The following COL5A1 variants were observed in gnomAD, a reference collection of about 807,000 sequenced individuals.
COL5A1 encodes the protein collagen alpha-1(V) chain.
Under a neutral mutation model 263.7 loss-of-function variants are expected in COL5A1, and 16 were observed. The ratio of observed to expected loss-of-function variants is 0.06; its 90% CI spans 0.04 to 0.09. COL5A1 has a LOEUF of 0.09. COL5A1 is among the 10% of genes least tolerant of loss of function. The probability of loss-of-function intolerance (pLI) is 1.00; values close to 1 mark genes in which losing one functional copy is unlikely to be tolerated. For missense variants in COL5A1, 2,036 were observed against 2,540.5 expected (o/e 0.80, Z 4.27); for synonymous variants, 1,012 against 1,004.5 (o/e 1.01, Z -0.14).
Position 134,786,101 on chromosome 9 carries a change from C to T in COL5A1, c.2646+53C>T, listed in dbSNP as rs866700363. ...GGGACAGGCGGAGGGATGTTCTGCC[C>T]GGTCTCCCCACCCTGCATCCGGCCG... On this transcript the variant is annotated intron_variant, in intron 31 of 65. Transcript: ENST00000371817. 1.5e-4 allele frequency: 224 copies of T among 1,487,594 alleles called. No individual in the cohort carries two copies. In the Middle Eastern group the frequency reaches 5.9e-3, roughly 39 times the overall value. The allele number at this position is 1,487,594 out of a possible 1,614,324, so 92.1% of individuals were successfully genotyped here.
intron 18 of COL5A1, among the ~76,000 whole-genome samples, chr9:134,759,258 GCGCACACACTCATACACACA>G (rs1836119238): frequency 9.1e-6 from 1 of 109,848 alleles, no homozygotes; most frequent in African/African-American, 5.0e-5. Context: ...ACATGTGTGC[GCGCACACACTCATACACACA>G]TGCACACACA....
At chr9:134,679,167 C>T (rs1183245713) in intron 1 of COL5A1, among the ~76,000 whole-genome samples, 2 of 152,170 alleles carry the variant, frequency 1.3e-5, no homozygotes, top group Non-Finnish European at 2.9e-5. Context: ...TGTCTTGTGT[C>T]TTGTGTGGAA....
intron 59 of COL5A1, among the ~76,000 whole-genome samples, chr9:134,822,735 G>A (rs561701460): frequency 1.2e-3 from 164 of 142,574 alleles, no homozygotes; most frequent in African/African-American, 4.5e-3. Context: ...CCCCGCGGCT[G>A]TCTGAGCTGG....
At chr9:134,656,636 T>C (rs1047050654) in intron 1 of COL5A1, among the ~76,000 whole-genome samples, 1 of 152,124 alleles carries the variant, frequency 6.6e-6, no homozygotes, top group Admixed American at 6.5e-5. Flanking sequence ...GCACTCGTGG[T>C]ATTGATAACG....
Position 134,642,244 on chromosome 9 carries a change from G to A in COL5A1, c.57G>A (p.Leu19=), listed in dbSNP as rs761259908. Residue 19 remains leucine, a synonymous_variant, in exon 1 of 66, where the codon CTG becomes CTA. Transcript: ENST00000371817. The surrounding 1 kb of genome is among the most constrained non-coding windows in gnomAD (Gnocchi z 4.5). The part of the protein sequence containing the change: ...ARSALRPGAP[L]LPPLLLLLLW... ...GCGCGCTCCGCCCGGGCGCCCCGCTGCTGCCCCCGCTGCTGCTGCTGCTGC... is the reference window on the plus strand; with the variant it reads ...GCGCGCTCCGCCCGGGCGCCCCGCTACTGCCCCCGCTGCTGCTGCTGCTGC... 14 of 1,282,948 alleles carry A rather than the reference G, an allele frequency of 1.1e-5. No homozygotes were observed. Among genetic ancestry groups the A allele is most frequent in the Non-Finnish European group, 1.4e-5 (14 of 1,009,754 alleles). 79.5% of individuals were successfully genotyped at this position (1,282,948 alleles called of 1,614,324 possible).
At chr9:134,816,917 G>A in intron 52 of COL5A1, 109 bp from the exon 53 acceptor site, 1 of 998,662 alleles carries the variant, frequency 1.0e-6, no homozygotes, top group Non-Finnish European at 1.6e-6. Flanking sequence ...GAGAGAGGCG[G>A]CCGCAGGGCT....
chr9:134,669,330 C>T (rs77631964), intron 1 of COL5A1, among the ~76,000 whole-genome samples: 4,613 of 131,318 alleles, frequency 0.035, 239 homozygotes, highest in African/African-American at 0.1. Context: ...CTCCTTCCTT[C>T]CTTCCTTCCT....
In COL5A1 at chr9:134,753,833, A is replaced by C; in HGVS notation, c.1720-17A>C. 1 of 1,606,680 alleles carries C rather than the reference A, an allele frequency of 6.2e-7. No individual in the cohort carries two copies. The highest frequency in any genetic ancestry group is 8.5e-7 in the Non-Finnish European group (1 of 1,177,040). Reference sequence around the variant, plus strand: ...CCCCACCTCGAGCAGACATTAACACACACCATGTCTCCCTAGGGTCCCCCT... The same window carrying C: ...CCCCACCTCGAGCAGACATTAACACCCACCATGTCTCCCTAGGGTCCCCCT... On this transcript the variant is annotated splice_polypyrimidine_tract_variant and intron_variant, in intron 14 of 65. Coordinates refer to ENST00000371817, the MANE Select transcript of COL5A1 (RefSeq NM_000093.5).
intron 58 of COL5A1, 65 bp from the exon 59 acceptor site, chr9:134,822,032 G>A: frequency 1.4e-6 from 2 of 1,425,352 alleles, no homozygotes; most frequent in Non-Finnish European, 2.0e-6. Flanking sequence ...CTGGGTAGCA[G>A]GGTTGCAGCC....
chr9:134,694,920 C>T (rs1437342360), intron 2 of COL5A1, among the ~76,000 whole-genome samples: 1 of 152,170 alleles, frequency 6.6e-6, no homozygotes, highest in African/African-American at 2.4e-5. Context: ...GATCCACGTC[C>T]CCACTGGGGG....
At chr9:134,786,429 C>G (rs762833295) in intron 31 of COL5A1, among the ~76,000 whole-genome samples, 2 of 152,178 alleles carry the variant, frequency 1.3e-5, no homozygotes, top group Admixed American at 6.5e-5. Flanking sequence ...GTCTTCTGCC[C>G]CAGTCGGCAC....
At chr9:134,706,848 A>C (rs1013342430) in intron 4 of COL5A1, among the ~76,000 whole-genome samples, 1 of 152,208 alleles carries the variant, frequency 6.6e-6, no homozygotes, top group South Asian at 2.1e-4. Flanking sequence ...AGCCAGCATA[A>C]GCTGTTAGCA....
intron 42 of COL5A1, 67 bp from the exon 43 acceptor site, chr9:134,809,116 A>G (rs924553858): frequency 1.8e-5 from 24 of 1,315,998 alleles, no homozygotes; most frequent in Non-Finnish European, 2.4e-5. Flanking sequence ...CTCTTGGGTA[A>G]TGAGCTGGTG....
intron 21 of COL5A1, among the ~76,000 whole-genome samples, chr9:134,766,187 G>A (rs534918088): frequency 6.6e-6 from 1 of 152,284 alleles, no homozygotes; most frequent in South Asian, 2.1e-4. Flanking sequence ...CCAGCCCCGT[G>A]ACCTGGTTTT....
intron 62 of COL5A1, 59 bp downstream of exon 62, chr9:134,824,914 A>ATGGAGTG: frequency 6.4e-7 from 1 of 1,556,566 alleles, no homozygotes; most frequent in South Asian, 1.2e-5. Flanking sequence ...TGCAGGACAC[A>ATGGAGTG]TGGAGTGTGG....
chr9:134,765,089 G>A lies in COL5A1; in HGVS notation c.2035-592G>A, dbSNP rs986709906. Among the ~76,000 whole-genome samples, 1 of 152,008 alleles carries A rather than the reference G, an allele frequency of 6.6e-6. No individual in the cohort carries two copies. ...AAAGGGGAGGTTCTGCACGAGCCTC[G>A]CCGACCGGAGAGGGCGTGCCAGCTC... On this transcript the variant is annotated intron_variant, in intron 20 of 65. Transcript: ENST00000371817. This position sits in a 1 kb window ranked among gnomAD's most constrained non-coding sequence, Gnocchi z 5.1.
rs1008021457 is a variant in COL5A1, at chr9:134,754,474, G to A, written c.1827+148G>A. On this transcript the variant is annotated intron_variant, in intron 16 of 65. Coordinates refer to ENST00000371817, the MANE Select transcript of COL5A1 (RefSeq NM_000093.5). This position sits in a 1 kb window ranked among gnomAD's most constrained non-coding sequence, Gnocchi z 4.3. The stretch of plus-strand genomic sequence containing the variant: ...TGTGATGGGTGCGTCCATCCCCAAG[G>A]CTGCCTCTGAGCCAGCTGCCTGGGA... 6.9e-5 allele frequency: 64 copies of A among 924,930 alleles called. No individual in the cohort carries two copies. In the East Asian group the frequency reaches 1.1e-3, roughly 16 times the overall value. 57.3% of individuals were successfully genotyped at this position (924,930 alleles called of 1,614,324 possible). A position where few individuals can be genotyped will look rare whatever the true frequency, so the allele number is the denominator to read the frequency against.
intron 18 of COL5A1, among the ~76,000 whole-genome samples, chr9:134,760,325 CCA>C (rs1224745076): frequency 1.2e-5 from 1 of 84,264 alleles, no homozygotes; most frequent in Non-Finnish European, 2.1e-5. Flanking sequence ...CATGCACACA[CCA>C]CACATGCACA....
Position 134,748,552 on chromosome 9 carries a change from T to G in COL5A1, c.1495-1990T>G, listed in dbSNP as rs1446642867. ...TCTCAGCTGTAAGTGGCTATGAGGATTGTATGTCAATGACAAAACCTGGGC... is the reference window on the plus strand; with the variant it reads ...TCTCAGCTGTAAGTGGCTATGAGGAGTGTATGTCAATGACAAAACCTGGGC... On this transcript the variant is annotated intron_variant, in intron 11 of 65. Coordinates refer to ENST00000371817, the MANE Select transcript of COL5A1 (RefSeq NM_000093.5). 3.3e-5 allele frequency among the ~76,000 whole-genome samples: 5 copies of G among 152,382 alleles called. No individual in the cohort carries two copies. In the East Asian group the frequency reaches 9.6e-4, roughly 29 times the overall value.
Sources: allele counts gnomAD v4.1 joint callset (sites outside exome capture counted in the v4.1 genomes callset), GRCh38; gene constraint gnomAD v4.1.1; non-coding constraint Gnocchi (gnomAD v3.1); transcripts MANE v1.5; gene names NCBI Gene and HGNC (gene_info 2026-07-23, HGNC 2026-07-21).